OR9Q1: variants seen among roughly 807,000 people sequenced by gnomAD.
OR9Q1 encodes olfactory receptor 9Q1.
For missense variants in OR9Q1, 374 were observed against 378.8 expected, an observed-to-expected ratio of 0.99 and a Z score of 0.11; for synonymous variants, 153 against 148.6, an observed-to-expected ratio of 1.03 and a Z score of -0.22.
At chr11:58,175,765 T>C (rs1338143202) in intron 2 of OR9Q1, among the ~76,000 whole-genome samples, 1 of 152,150 alleles carries the variant, frequency 6.6e-6, no homozygotes, top group Non-Finnish European at 1.5e-5. Flanking sequence ...TTCTCTTGGT[T>C]ATCATAATTG....
chr11:58,083,061 T>A (rs1853604482), intron 2 of OR9Q1, among the ~76,000 whole-genome samples: 1 of 152,038 alleles, frequency 6.6e-6, no homozygotes, highest in South Asian at 2.1e-4. Context: ...CCATTGCTTT[T>A]GGTGTTTTAG....
At chr11:58,048,203 G>A (rs961520786) in intron 1 of OR9Q1, among the ~76,000 whole-genome samples, 4 of 152,072 alleles carry the variant, frequency 2.6e-5, no homozygotes, top group African/African-American at 9.7e-5. Context: ...TGGTACCTAG[G>A]ATAGAAAAAC....
At chr11:58,044,114 TAAAAG>T (rs1390476038) in intron 1 of OR9Q1, 2 of 152,234 alleles carry the variant, frequency 1.3e-5, no homozygotes, top group South Asian at 2.1e-4. Flanking sequence ...TCATGGTTGA[TAAAAG>T]AAAGAATGAA....
intron 2 of OR9Q1, among the ~76,000 whole-genome samples, chr11:58,141,803 A>G (rs1854252577): frequency 6.6e-6 from 1 of 152,078 alleles, no homozygotes; most frequent in Non-Finnish European, 1.5e-5. Flanking sequence ...CTTAGCCACT[A>G]TATATATTTG....
chr11:58,106,971 A>G (rs1337850032), intron 2 of OR9Q1, among the ~76,000 whole-genome samples: 1 of 152,074 alleles, frequency 6.6e-6, no homozygotes, highest in Non-Finnish European at 1.5e-5. Flanking sequence ...TAGGTATTTT[A>G]TTGTTCCATA....
chr11:58,134,597 G>T (rs997456341), intron 2 of OR9Q1, among the ~76,000 whole-genome samples: 1 of 152,186 alleles, frequency 6.6e-6, no homozygotes, highest in Admixed American at 6.5e-5. Flanking sequence ...AAGTGTAAGA[G>T]ATTTAGGGTC....
chr11:58,149,217 T>A (rs1278165262), intron 2 of OR9Q1, among the ~76,000 whole-genome samples: 2 of 152,188 alleles, frequency 1.3e-5, no homozygotes, highest in Non-Finnish European at 2.9e-5. Flanking sequence ...AATAGCCTGT[T>A]GACATCTGTT....
chr11:58,077,091 G>A lies in OR9Q1; in HGVS notation c.-15+21144G>A, dbSNP rs374093820. Among the ~76,000 whole-genome samples, 14 of 152,308 alleles carry A rather than the reference G, an allele frequency of 9.2e-5. No homozygotes were observed. In the South Asian group the frequency reaches 2.9e-3, roughly 32 times the overall value. On this transcript the variant is annotated intron_variant, in intron 2 of 2. Coordinates refer to ENST00000335397, the MANE Select transcript of OR9Q1 (RefSeq NM_001005212.4). ...AGTAGTGGAGTAGGGTGGACAAGAT[G>A]ACTTTAAAAGTCACTTCCAATGTTG... is the stretch of plus-strand genomic sequence containing the variant.
At chr11:58,077,214 A>T (rs1463227821) in intron 2 of OR9Q1, 1 of 152,194 alleles carries the variant, frequency 6.6e-6, no homozygotes, top group Non-Finnish European at 1.5e-5. Context: ...CAGGTGGAGG[A>T]GCAGGATGTT....
chr11:58,129,885 T>G (rs1854124859), intron 2 of OR9Q1, among the ~76,000 whole-genome samples: 1 of 152,148 alleles, frequency 6.6e-6, no homozygotes, highest in Non-Finnish European at 1.5e-5. Flanking sequence ...TTTTTGCTTA[T>G]TTTTTCCTGG....
intron 2 of OR9Q1, among the ~76,000 whole-genome samples, chr11:58,136,670 C>T (rs778227316): frequency 6.6e-6 from 1 of 152,344 alleles, no homozygotes; most frequent in South Asian, 2.1e-4. Context: ...AACCAAACTT[C>T]TAGCTCCTCT....
intron 2 of OR9Q1, among the ~76,000 whole-genome samples, chr11:58,135,475 T>A (rs1300159798): frequency 6.6e-6 from 1 of 152,142 alleles, no homozygotes; most frequent in Non-Finnish European, 1.5e-5. Flanking sequence ...AGCCAAGGCA[T>A]CTTGTACCTC....
intron 1 of OR9Q1, chr11:58,031,656 C>A (rs770500138): frequency 6.2e-7 from 1 of 1,613,980 alleles, no homozygotes; most frequent in African/African-American, 1.3e-5. Flanking sequence ...ATCCGCTCAG[C>A]TGCTGAGCGC....
In OR9Q1 at chr11:58,073,193, T is replaced by A. The variant is rs1222347344; in HGVS notation, c.-15+17246T>A. 3 of 226,628 alleles carry A rather than the reference T, an allele frequency of 1.3e-5. No homozygotes were observed. The East Asian group carries it at 3.5e-4, about 27-fold the overall frequency. The allele number at this position is 226,628 out of a possible 1,614,324, so 14.0% of individuals were successfully genotyped here. A position where few individuals can be genotyped will look rare whatever the true frequency, so the allele number is the denominator to read the frequency against. On this transcript the variant is annotated intron_variant, in intron 2 of 2. Transcript: ENST00000335397. ...AGTCACAATGAATGACAAACCGGCA[T>A]CCATGCTTGTATTTCCAATAAAGTG...
chr11:58,151,423 A>C (rs1047965206), intron 2 of OR9Q1, among the ~76,000 whole-genome samples: 8 of 152,210 alleles, frequency 5.3e-5, no homozygotes, highest in African/African-American at 1.7e-4. Context: ...GTGGTGTTGC[A>C]TCATTTGCTT....
chr11:58,031,018 C>A (rs773119411), intron 1 of OR9Q1: 40 of 1,613,968 alleles, frequency 2.5e-5, no homozygotes, highest in Middle Eastern at 1.6e-4. Context: ...TTGCTGGCAT[C>A]CATGAAGCAC....
At chr11:58,053,260 A>T (rs1383550755) in intron 1 of OR9Q1, among the ~76,000 whole-genome samples, 1 of 151,860 alleles carries the variant, frequency 6.6e-6, no homozygotes, top group Non-Finnish European at 1.5e-5. Flanking sequence ...GTGGAATACT[A>T]TGTAGCCATA....
At chr11:58,067,801 G>A (rs186684425) in intron 2 of OR9Q1, among the ~76,000 whole-genome samples, 3 of 152,330 alleles carry the variant, frequency 2.0e-5, no homozygotes, top group Admixed American at 1.3e-4. Context: ...AAAAGGACTC[G>A]AGTCTCCTGG....
chr11:58,073,123 C>T, intron 2 of OR9Q1: 1 of 214,072 alleles, frequency 4.7e-6, no homozygotes, highest in Admixed American at 4.8e-5. Flanking sequence ...CCTCCTGTTC[C>T]AGCAAATGGA....
Sources: gnomAD v4.1 joint callset for allele counts (sites outside exome capture counted in the v4.1 genomes callset) on GRCh38, gnomAD v4.1.1 for gene constraint, MANE v1.5 for transcripts, NCBI Gene and HGNC (gene_info 2026-07-23, HGNC 2026-07-21) for gene names.